Variants in SPON2 observed in about 807,000 individuals in gnomAD.
SPON2 encodes spondin-2.
SPON2 carries 32 observed loss-of-function variants against 29.9 expected under a neutral mutation model. The observed-to-expected ratio is 1.07, with a 90% CI of 0.81 to 1.44. The LOEUF (loss-of-function observed/expected upper bound fraction) is 1.44. Among genes scored for constraint, SPON2 ranks in the 40% most tolerant of loss-of-function variants. The pLI, the probability that SPON2 is intolerant of heterozygous loss-of-function variation, is 0.00. For missense variants in SPON2, 541 were observed against 455.5 expected, an observed-to-expected ratio of 1.19 and a Z score of -1.71; for synonymous variants, 248 against 209.1, an observed-to-expected ratio of 1.19 and a Z score of -1.61.
intron 1 of SPON2, chr4:1,200,493 G>T (rs1217981293): frequency 1.4e-5 from 4 of 294,210 alleles, no homozygotes; most frequent in Non-Finnish European, 2.7e-5. Flanking sequence ...CTCAGCGGGG[G>T]CGGGGGCGGG....
chr4:1,198,252 G>A (rs1265126546), upstream of SPON2, among the ~76,000 whole-genome samples: 1 of 152,184 alleles, frequency 6.6e-6, no homozygotes, highest in Admixed American at 6.5e-5. Context: ...AGTCCAGAAT[G>A]ACTCTGGATG....
At chr4:1,170,697 A>G in intron 4 of SPON2, 121 bp from the exon 5 acceptor site, 1 of 1,235,376 alleles carries the variant, frequency 8.1e-7, no homozygotes, top group Non-Finnish European at 1.2e-6. Context: ...TGTTGGGGAC[A>G]GGGTCCCATG....
At chr4:1,178,147 C>T (rs954487375), upstream of SPON2, among the ~76,000 whole-genome samples, 20 of 148,966 alleles carry the variant, frequency 1.3e-4, no homozygotes, top group Admixed American at 3.3e-4. Context: ...CTGCACACAC[C>T]GAGGGCCTCC....
At chr4:1,195,072 A>G (rs1481709184) in exon 1 of SPON2, 35 of 68,234 alleles carry the variant, frequency 5.1e-4, no homozygotes, top group African/African-American at 1.4e-3. Flanking sequence ...GGCGTCTCCA[A>G]CCCCGCAGCC....
rs775654908 is a variant in SPON2, at chr4:1,171,405, C to T, written c.302G>A (p.Gly101Asp). The T allele has an allele frequency of 1.1e-5, 17 of 1,612,328 alleles. No individual in the cohort carries two copies. Among genetic ancestry groups the T allele is most frequent in the Non-Finnish European group, 1.4e-5 (17 of 1,179,796 alleles). ...CTCCTTCATCAGCGCCCAGGCCTCG[C>T]CGCGCTCCGCAAAGTCGCGCAGCCC... ...SNGLRDFAERGEAWALMKEIE... is the reference protein window; with the variant it reads ...SNGLRDFAERDEAWALMKEIE... The change falls in exon 3 of 6, where the codon GGC becomes GAC. Residue 101 changes from glycine (G) to aspartate (D), a missense_variant. Transcript: ENST00000290902.
At chr4:1,187,252 T>C (rs371026302) in intron 1 of SPON2, among the ~76,000 whole-genome samples, 34 of 152,336 alleles carry the variant, frequency 2.2e-4, no homozygotes, top group African/African-American at 7.9e-4. Flanking sequence ...TTATGCTAAG[T>C]AAAATAAGCC....
intron 1 of SPON2, among the ~76,000 whole-genome samples, chr4:1,187,273 C>T (rs188392823): frequency 6.6e-6 from 1 of 152,160 alleles, no homozygotes. Context: ...AGTCACAAAA[C>T]ACAAAGATTG....
intron 5 of SPON2, chr4:1,168,093 C>T: frequency 5.8e-6 from 1 of 171,622 alleles, no homozygotes; most frequent in Non-Finnish European, 1.2e-5. Context: ...GGACCCCCCA[C>T]AGGACTCAGA....
intron 5 of SPON2, among the ~76,000 whole-genome samples, chr4:1,169,483 G>C (rs1360637745): frequency 6.6e-6 from 1 of 152,148 alleles, no homozygotes; most frequent in African/African-American, 2.4e-5. Flanking sequence ...CCAGCCAGGC[G>C]GCCTCCTGTC....
At chr4:1,168,999 C>T (rs572292055) in intron 5 of SPON2, among the ~76,000 whole-genome samples, 6 of 152,320 alleles carry the variant, frequency 3.9e-5, no homozygotes, top group South Asian at 2.1e-4. Context: ...TCTGGTCCCT[C>T]GGCTGGCACA....
At position 1,168,873 on chromosome 4, in the gene SPON2, G is replaced by A. The variant is rs76893163; in HGVS notation, c.812-1217C>T. On this transcript the variant is annotated intron_variant, in intron 5 of 5. Coordinates refer to ENST00000290902, the MANE Select transcript of SPON2 (RefSeq NM_012445.4). ...CAGGCTGGCTTGGCGTGGACCTGGC[G>A]GAGCCTCCTGGGTGCCAGCCGCCAC... Among the ~76,000 whole-genome samples, 865 of 152,312 alleles carry A rather than the reference G, an allele frequency of 5.7e-3. 6 individuals carry two copies. Among genetic ancestry groups the A allele is most frequent in the African/African-American group, 0.018 (762 of 41,566 alleles).
Position 1,171,745 on chromosome 4 carries a change from A to G in SPON2, c.220+107T>C, listed in dbSNP as rs527258181. The G allele has an allele frequency of 2.5e-4, 221 of 869,472 alleles. 5 individuals carry two copies. In the South Asian group the frequency reaches 3.1e-3, roughly 12 times the overall value. The allele number at this position is 869,472 out of a possible 1,614,324, so 53.9% of individuals were successfully genotyped here. On this transcript the variant is annotated intron_variant, in intron 2 of 5. Coordinates refer to ENST00000290902, the MANE Select transcript of SPON2 (RefSeq NM_012445.4). ...AACATTCTGGTGTTAGAGTCTCCCG[A>G]CGTCAGCACGCCCCAGACTGGGAAG...
In SPON2 at chr4:1,171,175, G is replaced by C. The variant is rs1727427890; in HGVS notation, c.460C>G (p.Arg154Gly). 1 of 1,544,118 alleles carries C rather than the reference G, an allele frequency of 6.5e-7. No individual in the cohort carries two copies. The highest frequency in any genetic ancestry group is 1.2e-5 in the South Asian group (1 of 84,018). Residue 154 changes from arginine (R) to glycine (G), a missense_variant, in exon 4 of 6, where the codon CGC becomes GGC. Coordinates refer to ENST00000290902, the MANE Select transcript of SPON2 (RefSeq NM_012445.4). ...RRHSLVSFVVRIVPSPDWFVG... is the reference protein window; with the variant it reads ...RRHSLVSFVVGIVPSPDWFVG... Reference sequence around the variant, plus strand: ...AACCAGTCGGGGCTGGGCACGATGCGCACCACAAACGAGACCTGCGGCGAC... The same window carrying C: ...AACCAGTCGGGGCTGGGCACGATGCCCACCACAAACGAGACCTGCGGCGAC...
upstream of SPON2, among the ~76,000 whole-genome samples, chr4:1,177,323 C>T (rs543405355): frequency 7.9e-5 from 12 of 152,314 alleles, no homozygotes; most frequent in South Asian, 2.1e-4. Context: ...TGTGAGTAAT[C>T]AGCGCCCACA....
Position 1,171,502 on chromosome 4 carries a change from G to A in SPON2, c.221-16C>T. ...TGCGCGGCCCCTGCAGGACCACCCGGCCGCGCCGCGGACCATGGTCAGACA... is the reference window on the plus strand; with the variant it reads ...TGCGCGGCCCCTGCAGGACCACCCGACCGCGCCGCGGACCATGGTCAGACA... On this transcript the variant is annotated splice_polypyrimidine_tract_variant and intron_variant, in intron 2 of 5. Transcript: ENST00000290902. 6.2e-7 allele frequency: 1 copy of A among 1,603,558 alleles called. No individual in the cohort carries two copies. Among genetic ancestry groups the A allele is most frequent in the Non-Finnish European group, 8.5e-7 (1 of 1,173,142 alleles).
intron 2 of SPON2, 85 bp downstream of exon 2, chr4:1,171,767 G>T: frequency 1.0e-6 from 1 of 985,956 alleles, no homozygotes. Context: ...CCCAGACTGG[G>T]AAGCGCCGCC....
At chr4:1,178,414 C>T (rs537762969) in intron 2 of SPON2, among the ~76,000 whole-genome samples, 82 of 151,852 alleles carry the variant, frequency 5.4e-4, no homozygotes, top group African/African-American at 1.9e-3. Flanking sequence ...CCCCCTCCCT[C>T]ATCTTCAGAC....
At chr4:1,178,795 G>T (rs904283584) in intron 2 of SPON2, among the ~76,000 whole-genome samples, 14 of 152,126 alleles carry the variant, frequency 9.2e-5, no homozygotes, top group Non-Finnish European at 1.8e-4. Context: ...TGTGAGGAGG[G>T]TTGAAGAGAG....
chr4:1,186,112 T>G (rs62293578), intron 1 of SPON2, among the ~76,000 whole-genome samples: 1 of 148,562 alleles, frequency 6.7e-6, no homozygotes, highest in South Asian at 2.2e-4. Flanking sequence ...GGCGTGGTGG[T>G]GGGCGCCTGT....
Sources: gnomAD v4.1 joint callset for allele counts (sites outside exome capture counted in the v4.1 genomes callset) on GRCh38, gnomAD v4.1.1 for gene constraint, MANE v1.5 for transcripts, NCBI Gene and HGNC (gene_info 2026-07-23, HGNC 2026-07-21) for gene names.